Variants in CDH9 observed in about 807,000 individuals in gnomAD.
CDH9 encodes the protein cadherin 9, also known as cadherin-9.
A neutral mutation model predicts 70.9 loss-of-function variants in CDH9; 28 were observed. The observed-to-expected ratio is 0.40, with a 90% confidence interval of 0.29 to 0.54. The LOEUF is 0.54. CDH9 is among the 20% of genes least tolerant of loss of function. The pLI, the probability that CDH9 is intolerant of heterozygous loss-of-function variation, is 0.59. For missense variants in CDH9, 874 were observed against 984.4 expected (o/e 0.89, Z 1.50); for synonymous variants, 409 against 343.1 (o/e 1.19, Z -2.12).
chr5:26,948,876 T>A (rs543965950), intron 2 of CDH9, among the ~76,000 whole-genome samples: 4 of 152,150 alleles, frequency 2.6e-5, no homozygotes, highest in Non-Finnish European at 4.4e-5. Context: ...GGTGCAATCT[T>A]CACTGGAATG....
chr5:26,979,161 A>C (rs187231345), intron 2 of CDH9, among the ~76,000 whole-genome samples: 25 of 151,824 alleles, frequency 1.6e-4, no homozygotes, highest in Non-Finnish European at 3.2e-4. Context: ...AATAATAAAC[A>C]TTAACAATGC....
At chr5:26,898,133 T>C (rs1425296175) in intron 7 of CDH9, among the ~76,000 whole-genome samples, 1 of 152,046 alleles carries the variant, frequency 6.6e-6, no homozygotes, top group East Asian at 1.9e-4. Context: ...GAAGTACCTC[T>C]TCAAGGAGAA....
chr5:26,910,532 T>C (rs987283471), intron 3 of CDH9, among the ~76,000 whole-genome samples: 2 of 152,200 alleles, frequency 1.3e-5, no homozygotes, highest in Admixed American at 6.5e-5. Flanking sequence ...TATGTATATC[T>C]ATCTATCATC....
At chr5:26,898,923 C>T (rs1740801426) in intron 7 of CDH9, among the ~76,000 whole-genome samples, 1 of 152,158 alleles carries the variant, frequency 6.6e-6, no homozygotes, top group Non-Finnish European at 1.5e-5. Context: ...ATCTATCCAT[C>T]TGACAAAGAG....
At chr5:26,938,492 A>C (rs1031983905) in intron 2 of CDH9, among the ~76,000 whole-genome samples, 3 of 152,034 alleles carry the variant, frequency 2.0e-5, no homozygotes, top group East Asian at 1.9e-4. Flanking sequence ...TAGTTAAGTA[A>C]ATTTTTAAAA....
At chr5:27,024,948 T>C (rs920369534) in intron 1 of CDH9, among the ~76,000 whole-genome samples, 1 of 152,066 alleles carries the variant, frequency 6.6e-6, no homozygotes, top group African/African-American at 2.4e-5. Flanking sequence ...CAATGCAGCA[T>C]ATGATTTAGT....
At chr5:26,922,567 A>G (rs1741263817) in intron 2 of CDH9, among the ~76,000 whole-genome samples, 1 of 152,094 alleles carries the variant, frequency 6.6e-6, no homozygotes, top group South Asian at 2.1e-4. Flanking sequence ...CATCAACACC[A>G]GACCTGACCT....
At chr5:27,020,008 A>G (rs1743110407) in intron 1 of CDH9, among the ~76,000 whole-genome samples, 1 of 151,866 alleles carries the variant, frequency 6.6e-6, no homozygotes, top group Non-Finnish European at 1.5e-5. Flanking sequence ...AGTGGACACC[A>G]CTGGAACAGG....
intron 2 of CDH9, among the ~76,000 whole-genome samples, chr5:26,947,108 C>G (rs552179364): frequency 6.6e-6 from 1 of 152,228 alleles, no homozygotes; most frequent in African/African-American, 2.4e-5. Flanking sequence ...CTATATCTGC[C>G]ATTCAACCAG....
intron 2 of CDH9, among the ~76,000 whole-genome samples, chr5:26,926,625 C>T (rs952132489): frequency 4.6e-5 from 7 of 151,874 alleles, no homozygotes; most frequent in African/African-American, 7.3e-5. Flanking sequence ...AAAAAAGAGC[C>T]CACATAGCCA....
chr5:26,921,585 C>G (rs1004059141), intron 2 of CDH9, among the ~76,000 whole-genome samples: 1 of 152,130 alleles, frequency 6.6e-6, no homozygotes, highest in African/African-American at 2.4e-5. Flanking sequence ...AAGAAAATAT[C>G]TGGCATCAAT....
intron 1 of CDH9, among the ~76,000 whole-genome samples, chr5:27,006,184 A>T (rs1051119293): frequency 2.0e-5 from 3 of 152,274 alleles, no homozygotes; most frequent in Middle Eastern, 3.4e-3. Flanking sequence ...AAGTTTTTTT[A>T]AAAATAAAAA....
chr5:26,905,595 G>C (rs750087576), intron 5 of CDH9, among the ~76,000 whole-genome samples: 2 of 152,034 alleles, frequency 1.3e-5, no homozygotes, highest in Non-Finnish European at 2.9e-5. Context: ...AGACATGAGA[G>C]CCCACCCTCC....
intron 2 of CDH9, among the ~76,000 whole-genome samples, chr5:26,987,131 A>C (rs1219826482): frequency 1.8e-5 from 2 of 112,540 alleles, no homozygotes; most frequent in Non-Finnish European, 3.5e-5. Context: ...GGCCTGATCT[A>C]ATTTATGTGC....
chr5:26,885,748 G>A lies in CDH9; in HGVS notation c.1748C>T (p.Thr583Ile). 1 of 1,613,832 alleles carries A rather than the reference G, an allele frequency of 6.2e-7. No homozygotes were observed. Among genetic ancestry groups the A allele is most frequent in the Non-Finnish European group, 8.5e-7 (1 of 1,179,914 alleles). Residue 583 changes from threonine to isoleucine, a missense_variant, in exon 11 of 12, where the codon ACA becomes ATA. Physicochemically the swap from Thr to Ile is moderately conservative, Grantham distance 89. Transcript: ENST00000231021. ...NDYPIQSSTG[T>I]LTIRVCACDN... ...GCAGGCACACACACGGATAGTGAGT[G>A]TACCAGTGCTGCTTTGAATTGGATA... is the stretch of plus-strand genomic sequence containing the variant.
At position 26,989,508 on chromosome 5, in the gene CDH9, GTCTC is replaced by G. The variant is rs150867847; in HGVS notation, c.-49-1130_-49-1127del. Among the ~76,000 whole-genome samples the G allele has an allele frequency of 7.2e-3, 1,063 of 146,860 alleles. 11 individuals carry two copies. The highest frequency in any genetic ancestry group is 0.011 in the South Asian group (50 of 4,562). On this transcript the variant is annotated intron_variant, in intron 1 of 11. Transcript: ENST00000231021. ...GTATTATATTCTCTCTCTCTTCTCT[GTCTC>G]TCTCTCTCTCTCTCTCTCTCTCTTT...
chr5:27,022,938 C>CTT (rs146112141), intron 1 of CDH9, among the ~76,000 whole-genome samples: 3 of 148,540 alleles, frequency 2.0e-5, no homozygotes, highest in African/African-American at 7.4e-5. Flanking sequence ...TTGTATTGTT[C>CTT]TTTTTTTTTT....
chr5:26,983,167 G>C (rs1402815593), intron 2 of CDH9, among the ~76,000 whole-genome samples: 1 of 152,058 alleles, frequency 6.6e-6, no homozygotes, highest in Non-Finnish European at 1.5e-5. Context: ...CCTGGGAAGG[G>C]GTCTGCGGAT....
At chr5:26,939,231 A>G (rs113021742) in intron 2 of CDH9, among the ~76,000 whole-genome samples, 2,084 of 151,836 alleles carry the variant, frequency 0.014, 27 homozygotes, top group African/African-American at 0.034. Flanking sequence ...AAATGTCAAA[A>G]GTTAATGCAA....
Sources: allele counts gnomAD v4.1 joint callset (sites outside exome capture counted in the v4.1 genomes callset), GRCh38; gene constraint gnomAD v4.1.1; transcripts MANE v1.5; gene names NCBI Gene and HGNC (gene_info 2026-07-23, HGNC 2026-07-21).